FYB1: variants seen among roughly 807,000 people sequenced by gnomAD.
FYB1 encodes the protein FYN-binding protein 1.
FYB1 carries 41 observed loss-of-function variants against 94.1 expected under a neutral mutation model. The observed-to-expected ratio is 0.44, with a 90% CI of 0.34 to 0.57. The LOEUF (loss-of-function observed/expected upper bound fraction) is 0.57. Ranked by LOEUF, FYB1 falls within the 20% of genes least tolerant of loss-of-function variation. The pLI is 0.02. For missense variants in FYB1, 1,050 were observed against 976.8 expected, an observed-to-expected ratio of 1.07 and a Z score of -1.00; for synonymous variants, 367 against 353.2, an observed-to-expected ratio of 1.04 and a Z score of -0.44.
intron 9 of FYB1, 128 bp from the exon 10 acceptor site, chr5:39,130,740 T>C (rs986352612): frequency 2.3e-5 from 16 of 708,548 alleles, no homozygotes; most frequent in Middle Eastern, 3.4e-4. Context: ...TAGAATGCTA[T>C]ATGTAAAGAG....
rs1003184903 is a variant in FYB1, at chr5:39,138,180, T to C, written c.1395-460A>G. On this transcript the variant is annotated intron_variant, in intron 6 of 18. Transcript: ENST00000512982. ...TGATAAAGTAAGATAATATATTCAT[T>C]TCTACTTTCACCCACTTTCCAAGAA... 13 of 166,900 alleles carry C rather than the reference T, an allele frequency of 7.8e-5. 1 individual carries two copies. The highest frequency in any genetic ancestry group is 7.7e-5 in the Non-Finnish European group (6 of 77,808). The allele number at this position is 166,900 out of a possible 1,614,324, so 10.3% of individuals were successfully genotyped here.
At chr5:39,221,158 T>A (rs1248909016), upstream of FYB1, among the ~76,000 whole-genome samples, 2 of 152,146 alleles carry the variant, frequency 1.3e-5, no homozygotes, top group African/African-American at 4.8e-5. Context: ...GCAGAAGGGA[T>A]CTATGTAGCT....
At chr5:39,193,818 A>G (rs1214021207) in intron 2 of FYB1, among the ~76,000 whole-genome samples, 1 of 152,244 alleles carries the variant, frequency 6.6e-6, no homozygotes, top group East Asian at 1.9e-4. Context: ...CTGGGTCCCC[A>G]GTAAGGACTA....
intron 15 of FYB1, 42 bp from the exon 16 acceptor site, chr5:39,119,078 C>G: frequency 1.0e-6 from 1 of 978,158 alleles, no homozygotes; most frequent in South Asian, 2.8e-5. Flanking sequence ...GGTTTATGTG[C>G]ATTATTGAAA....
At position 39,256,184 on chromosome 5, in the gene FYB1, G is replaced by A. The variant is rs544503820; in HGVS notation, c.-28+18219C>T. 3.7e-4 allele frequency among the ~76,000 whole-genome samples: 56 copies of A among 152,230 alleles called. 1 individual carries two copies. The Middle Eastern group carries it at 0.014, about 37-fold the overall frequency. ...TGTTTCTAGTTTGTGCAAATTACCT[G>A]CCCAAGAAGGCATTTTTTCCTCACC... On this transcript the variant is annotated intron_variant, in intron 1 of 1. Coordinates refer to the FYB1 transcript ENST00000510188.
chr5:39,138,048 G>T (rs566500147), intron 6 of FYB1: 10 of 314,852 alleles, frequency 3.2e-5, no homozygotes, highest in South Asian at 2.9e-4. Context: ...ATGCACACGT[G>T]CCTGTGCATT....
chr5:39,246,745 T>A (rs1385254757), intron 1 of FYB1, among the ~76,000 whole-genome samples: 1 of 152,128 alleles, frequency 6.6e-6, no homozygotes, highest in Non-Finnish European at 1.5e-5. Context: ...ATTAAAAAGA[T>A]GTGATAGATC....
chr5:39,165,014 A>AG (rs1469972043), intron 2 of FYB1, among the ~76,000 whole-genome samples: 1 of 152,254 alleles, frequency 6.6e-6, no homozygotes, highest in African/African-American at 2.4e-5. Context: ...ACTATGACTC[A>AG]GTAAACCTGT....
intron 2 of FYB1, among the ~76,000 whole-genome samples, chr5:39,167,847 T>A (rs1744878874): frequency 6.6e-6 from 1 of 152,256 alleles, no homozygotes; most frequent in Non-Finnish European, 1.5e-5. Context: ...TCTCCGTCAC[T>A]GGACGTTTGT....
intron 2 of FYB1, among the ~76,000 whole-genome samples, chr5:39,158,638 G>T (rs983292895): frequency 6.6e-6 from 1 of 152,114 alleles, no homozygotes; most frequent in Non-Finnish European, 1.5e-5. Context: ...CAACATTCTG[G>T]TAACAAAGAT....
chr5:39,140,876 A>G (rs901897007), intron 4 of FYB1, among the ~76,000 whole-genome samples: 2 of 152,250 alleles, frequency 1.3e-5, no homozygotes, highest in Non-Finnish European at 2.9e-5. Context: ...GTGCAAACAC[A>G]CATACACATT....
At position 39,109,279 on chromosome 5, in the gene FYB1, C is replaced by T. The variant is rs74372919; in HGVS notation, c.2436-1017G>A. Among the ~76,000 whole-genome samples, 1,117 of 151,946 alleles carry T rather than the reference C, an allele frequency of 7.4e-3. 18 individuals are homozygous for T. Among genetic ancestry groups the T allele is most frequent in the African/African-American group, 0.022 (915 of 41,450 alleles). ...GGCTAACGGAAATCTCATCCAAATG[C>T]GAGCAGGACAGGTTTTTCTGTCATT... On this transcript the variant is annotated intron_variant, in intron 17 of 18. Transcript: ENST00000512982.
rs139182446 is a variant in FYB1, at chr5:39,252,651, T to C, written c.-28+21752A>G. ...ATACAGAGAGAGACATGCAAACTCA[T>C]ACTAAGTTTATGAAACAGCAAGTTC... On this transcript the variant is annotated intron_variant, in intron 1 of 1. Coordinates refer to the FYB1 transcript ENST00000510188. Among the ~76,000 whole-genome samples the C allele has an allele frequency of 2.3e-3, 344 of 152,322 alleles. 9 individuals are homozygous for C. In the South Asian group the frequency reaches 0.055, roughly 24 times the overall value.
At chr5:39,273,463 CCAGAGCT>C (rs1752719061) in intron 1 of FYB1, among the ~76,000 whole-genome samples, 1 of 152,050 alleles carries the variant, frequency 6.6e-6, no homozygotes, top group Non-Finnish European at 1.5e-5. Context: ...TCCTGTGAAG[CCAGAGCT>C]CAGTACATAA....
chr5:39,112,160 T>G (rs1314475501), intron 16 of FYB1, among the ~76,000 whole-genome samples: 1 of 151,986 alleles, frequency 6.6e-6, no homozygotes, highest in East Asian at 1.9e-4. Flanking sequence ...TTCTCATAAC[T>G]GAAATAACTC....
At chr5:39,267,358 TATCATCATCATCATC>T (rs10658182) in intron 1 of FYB1, among the ~76,000 whole-genome samples, 11,729 of 145,288 alleles carry the variant, frequency 0.081, 584 homozygotes, top group Non-Finnish European at 0.11. Flanking sequence ...GTGGGATAGC[TATCATCATCATCATC>T]ATCATCATCA....
intron 2 of FYB1, among the ~76,000 whole-genome samples, chr5:39,164,105 A>G (rs1041317751): frequency 2.0e-5 from 3 of 152,206 alleles, no homozygotes; most frequent in African/African-American, 7.2e-5. Flanking sequence ...AGGCAATAGC[A>G]CATCCTCAGG....
intron 1 of FYB1, among the ~76,000 whole-genome samples, chr5:39,234,655 A>G (rs2150576725): frequency 6.6e-6 from 1 of 152,318 alleles, no homozygotes; most frequent in African/African-American, 2.4e-5. Context: ...ATGCCCATCA[A>G]TGATAGAATG....
chr5:39,126,201 A>G, intron 11 of FYB1, 66 bp from the exon 12 acceptor site: 20 of 1,529,224 alleles, frequency 1.3e-5, no homozygotes, highest in Non-Finnish European at 1.8e-5. Flanking sequence ...TTGTGTGGAC[A>G]TTCAGATTCT....
Sources: allele counts gnomAD v4.1 joint callset (sites outside exome capture counted in the v4.1 genomes callset), GRCh38; gene constraint gnomAD v4.1.1; transcripts MANE v1.5; gene names NCBI Gene and HGNC (gene_info 2026-07-23, HGNC 2026-07-21).